NRXN1: variants seen among roughly 807,000 people sequenced by gnomAD.
NRXN1 encodes the protein neurexin-1.
A neutral mutation model predicts 150.9 loss-of-function variants in NRXN1; 39 were observed. The observed-to-expected ratio is 0.26, with a 90% CI of 0.20 to 0.34. NRXN1 has a LOEUF of 0.34. Ranked by LOEUF, NRXN1 falls within the 10% of genes least tolerant of loss-of-function variation. The pLI, the probability that NRXN1 is intolerant of heterozygous loss-of-function variation, is 1.00. For synonymous variants in NRXN1, 924 were observed against 757.0 expected (o/e 1.22, Z -3.62); for missense variants, 1,815 against 1,949.9 (o/e 0.93, Z 1.30).
intron 18 of NRXN1, among the ~76,000 whole-genome samples, chr2:50,148,135 G>A (rs916387623): frequency 2.6e-5 from 4 of 151,576 alleles, no homozygotes; most frequent in African/African-American, 9.7e-5. Flanking sequence ...AAGCAGTACT[G>A]ATGATGATCT....
intron 8 of NRXN1, among the ~76,000 whole-genome samples, chr2:50,601,204 C>A (rs186579839): frequency 5.9e-5 from 9 of 152,146 alleles, no homozygotes; most frequent in African/African-American, 2.2e-4. Context: ...CTAGTGTTAA[C>A]ATTTTAAGCT....
At chr2:50,289,040 A>T (rs2072565033) in intron 17 of NRXN1, among the ~76,000 whole-genome samples, 2 of 152,116 alleles carry the variant, frequency 1.3e-5, no homozygotes. Context: ...GCTTTTGATG[A>T]CCTAGTAGCA....
intron 5 of NRXN1, among the ~76,000 whole-genome samples, chr2:50,840,718 C>T (rs1371542902): frequency 6.6e-6 from 1 of 152,062 alleles, no homozygotes; most frequent in Non-Finnish European, 1.5e-5. Context: ...GATGCCACAC[C>T]CATTTTAGAA....
intron 17 of NRXN1, among the ~76,000 whole-genome samples, chr2:50,461,125 A>G (rs958258629): frequency 6.6e-6 from 1 of 152,068 alleles, no homozygotes; most frequent in African/African-American, 2.4e-5. Context: ...AACAAAGCTG[A>G]AGATATTTTT....
intron 2 of NRXN1, among the ~76,000 whole-genome samples, chr2:51,027,194 A>G (rs981287795): frequency 2.6e-5 from 4 of 152,294 alleles, no homozygotes; most frequent in Admixed American, 2.6e-4. Context: ...ATAGGGCCCA[A>G]CCTGCCAAAG....
intron 2 of NRXN1, among the ~76,000 whole-genome samples, chr2:50,944,273 G>A (rs1030075770): frequency 1.3e-5 from 2 of 152,118 alleles, no homozygotes; most frequent in Non-Finnish European, 2.9e-5. Flanking sequence ...TATAAAGAAT[G>A]GGTATAACTC....
chr2:50,552,713 T>C lies in NRXN1; in HGVS notation c.1633A>G (p.Met545Val), dbSNP rs763263053. 1.2e-6 allele frequency: 2 copies of C among 1,613,970 alleles called. No individual in the cohort carries two copies. The highest frequency in any genetic ancestry group is 1.1e-5 in the South Asian group (1 of 91,082). ...MIKVDFFAIE[M>V]LDGHLYLLLD... ...AGGAGGTAGAGGTGGCCATCTAGCA[T>C]CTCAATAGCAAAGAAGTCCACCTTT... The change falls in exon 9 of 23, where the codon ATG becomes GTG. Residue 545 changes from methionine (M) to valine (V), a missense_variant. By Grantham distance (21) the Met-to-Val change is conservative (BLOSUM62 1). Transcript: ENST00000401669.
chr2:50,699,289 T>C (rs1693390749), intron 5 of NRXN1, among the ~76,000 whole-genome samples: 1 of 152,188 alleles, frequency 6.6e-6, no homozygotes, highest in South Asian at 2.1e-4. Context: ...GTAGACAGAA[T>C]CCTCACCACC....
At chr2:49,953,713 A>G (rs2104476807) in intron 21 of NRXN1, among the ~76,000 whole-genome samples, 1 of 152,132 alleles carries the variant, frequency 6.6e-6, no homozygotes, top group East Asian at 1.9e-4. Flanking sequence ...TGTGTCTCAC[A>G]GGATGTTAAG....
chr2:50,069,850 T>TTG (rs1695942532), intron 19 of NRXN1, among the ~76,000 whole-genome samples: 1 of 57,554 alleles, frequency 1.7e-5, no homozygotes, highest in African/African-American at 1.3e-4. Flanking sequence ...TTTGGGGGTT[T>TTG]TTTTTTTTTT....
At chr2:49,954,229 G>C (rs1302581160) in intron 21 of NRXN1, among the ~76,000 whole-genome samples, 1 of 151,958 alleles carries the variant, frequency 6.6e-6, no homozygotes, top group Non-Finnish European at 1.5e-5. Flanking sequence ...CTGTTCTTGG[G>C]CTGCTTCCTA....
In NRXN1 at chr2:50,410,753, C is replaced by T. The variant is rs1300025760; in HGVS notation, c.3364+54689G>A. On this transcript the variant is annotated intron_variant, in intron 17 of 22. Coordinates refer to ENST00000401669, the MANE Select transcript of NRXN1 (RefSeq NM_001330078.2). ...CTATTGATCTTGCCAAAAGGAGATG[C>T]AGAGTATAGATGGCACAGACTATGA... is the stretch of plus-strand genomic sequence containing the variant. 3.3e-5 allele frequency among the ~76,000 whole-genome samples: 5 copies of T among 152,168 alleles called. No homozygotes were observed. In the East Asian group the frequency reaches 9.6e-4, roughly 29 times the overall value.
At chr2:50,387,244 A>C (rs1339137363) in intron 17 of NRXN1, among the ~76,000 whole-genome samples, 1 of 152,222 alleles carries the variant, frequency 6.6e-6, no homozygotes, top group African/African-American at 2.4e-5. Context: ...GTAAAGCTAG[A>C]GTAATCTGCT....
chr2:50,994,296 G>A (rs1262911495), intron 2 of NRXN1, among the ~76,000 whole-genome samples: 2 of 151,758 alleles, frequency 1.3e-5, no homozygotes, highest in African/African-American at 4.8e-5. Flanking sequence ...CCTCCATCAA[G>A]GCTACATTTC....
At chr2:49,963,520 G>T (rs1047585824) in intron 21 of NRXN1, among the ~76,000 whole-genome samples, 1 of 152,222 alleles carries the variant, frequency 6.6e-6, no homozygotes, top group Non-Finnish European at 1.5e-5. Context: ...CTATGATACA[G>T]CTATTTCATA....
At chr2:50,038,110 C>T (rs972911815) in intron 21 of NRXN1, among the ~76,000 whole-genome samples, 1 of 152,106 alleles carries the variant, frequency 6.6e-6, no homozygotes, top group African/African-American at 2.4e-5. Context: ...GATAAAGAAA[C>T]AGTGAGAGCG....
intron 17 of NRXN1, among the ~76,000 whole-genome samples, chr2:50,242,936 C>G (rs1396731706): frequency 6.6e-6 from 1 of 151,642 alleles, no homozygotes; most frequent in African/African-American, 2.4e-5. Flanking sequence ...GCACAGGTCC[C>G]ATATTCTCAA....
intron 5 of NRXN1, among the ~76,000 whole-genome samples, chr2:50,676,021 G>A (rs540874240): frequency 7.9e-5 from 12 of 152,106 alleles, no homozygotes; most frequent in Admixed American, 1.3e-4. Flanking sequence ...ATGTTCAAAC[G>A]TAACCTCCAA....
chr2:50,720,196 C>A (rs1228413307), intron 5 of NRXN1, among the ~76,000 whole-genome samples: 3 of 147,322 alleles, frequency 2.0e-5, no homozygotes, highest in Non-Finnish European at 4.5e-5. Flanking sequence ...TGTCTTTCAA[C>A]TTTTTTTTTT....
Sources: allele counts gnomAD v4.1 joint callset (sites outside exome capture counted in the v4.1 genomes callset), GRCh38; gene constraint gnomAD v4.1.1; transcripts MANE v1.5; gene names NCBI Gene and HGNC (gene_info 2026-07-23, HGNC 2026-07-21).